The following RAD50 variants were observed in gnomAD, a reference collection of about 807,000 sequenced individuals.
RAD50 encodes the protein DNA repair protein RAD50.
Under a neutral mutation model 168.8 loss-of-function variants are expected in RAD50, and 132 were observed. The observed-to-expected ratio is 0.78, with a 90% CI of 0.68 to 0.90. RAD50 has a LOEUF of 0.90. Among genes scored for constraint, RAD50 ranks in the 40% least tolerant of loss-of-function variants. RAD50 has a pLI of 0.00. For missense variants in RAD50, 1,347 were observed against 1,534.4 expected (o/e 0.88, Z 2.04); for synonymous variants, 525 against 497.4 (o/e 1.06, Z -0.74).
In RAD50 at chr5:132,594,937, A is replaced by G; in HGVS notation, c.1862A>G (p.Gln621Arg). Residue 621 changes from glutamine to arginine, a missense_variant, in exon 12 of 25, where the codon CAG (glutamine) becomes CGG (arginine). Gln to Arg is a conservative substitution (Grantham distance 43, BLOSUM62 1). Around this residue, in one of 3 missense-constraint regions of RAD50, gnomAD observed 703 missense variants for 767.7 expected, o/e 0.92. Transcript: ENST00000378823. ...INNELKRKEEQLSSYEDKLFD... is the reference protein window; with the variant it reads ...INNELKRKEERLSSYEDKLFD... ...AATGAACTAAAAAGAAAGGAAGAGC[A>G]GTTGTCCAGTTACGAAGACAAGCTG... 1 of 1,609,208 alleles carries G rather than the reference A, an allele frequency of 6.2e-7. No homozygotes were observed. Among genetic ancestry groups the G allele is most frequent in the Non-Finnish European group, 8.5e-7 (1 of 1,175,530 alleles).
chr5:132,589,757 A>C lies in RAD50; in HGVS notation c.1372A>C (p.Lys458Gln). Residue 458 changes from lysine to glutamine, a missense_variant, in exon 9 of 25, where the codon AAA (lysine) becomes CAA (glutamine). Physicochemically the swap from Lys to Gln is moderately conservative, Grantham distance 53. Coordinates refer to ENST00000378823, the MANE Select transcript of RAD50 (RefSeq NM_005732.4). The part of the protein sequence containing the change: ...EILSKKQNEL[K>Q]NVKYELQQLE... ...CCTAAGTAAGAAGCAGAATGAGCTG[A>C]AAAATGTGAAGTATGAATTACAGCA... The C allele has an allele frequency of 6.2e-7, 1 of 1,613,684 alleles. No homozygotes were observed. Among genetic ancestry groups the C allele is most frequent in the Middle Eastern group, 1.7e-4 (1 of 6,048 alleles).
intron 5 of RAD50, among the ~76,000 whole-genome samples, chr5:132,582,406 CT>C (rs35412646): frequency 0.11 from 16,386 of 151,886 alleles, 2,802 homozygotes; most frequent in African/African-American, 0.37. Flanking sequence ...TTCCAAAGTC[CT>C]TTTTTTTAGC....
At chr5:132,587,458 T>C (rs1750612421) in intron 5 of RAD50, 104 bp from the exon 6 acceptor site, 1 of 1,493,610 alleles carries the variant, frequency 6.7e-7, no homozygotes, top group Non-Finnish European at 9.0e-7. Flanking sequence ...TTAAATGAGA[T>C]CACTTTTACT....
intron 19 of RAD50, among the ~76,000 whole-genome samples, chr5:132,610,157 G>T (rs1169744206): frequency 1.3e-5 from 2 of 151,684 alleles, no homozygotes; most frequent in African/African-American, 4.8e-5. Flanking sequence ...TCTTTTTAAT[G>T]ATTATAAAAT....
In RAD50 at chr5:132,609,409, T is replaced by C. The variant is rs759606107; in HGVS notation, c.3036+13T>C. The C allele has an allele frequency of 2.5e-6, 4 of 1,613,160 alleles. No homozygotes were observed. In the Admixed American group the frequency reaches 5.0e-5, roughly 20 times the overall value. On this transcript the variant is annotated intron_variant, in intron 19 of 24. Transcript: ENST00000378823. Reference sequence around the variant, plus strand: ...TGATACACAGAAGGTAGGTCTGTTTTGCTTATGATATCACTTACACCTATG... The same window carrying C: ...TGATACACAGAAGGTAGGTCTGTTTCGCTTATGATATCACTTACACCTATG...
At chr5:132,638,049 G>T (rs560211851) in intron 22 of RAD50, 32 bp from the exon 23 acceptor site, 6 of 1,610,002 alleles carry the variant, frequency 3.7e-6, no homozygotes, top group Non-Finnish European at 5.1e-6. Flanking sequence ...CAGAGCATAG[G>T]TTCCTCTAAA....
chr5:132,591,604 T>C (rs1000812824), intron 10 of RAD50, among the ~76,000 whole-genome samples, 198 bp downstream of exon 10: 1 of 152,148 alleles, frequency 6.6e-6, no homozygotes, highest in Non-Finnish European at 1.5e-5. Flanking sequence ...CAGAAATGTA[T>C]ATATATGTAT....
At chr5:132,577,361 G>A (rs188457019) in intron 3 of RAD50, among the ~76,000 whole-genome samples, 2 of 152,194 alleles carry the variant, frequency 1.3e-5, no homozygotes, top group Non-Finnish European at 1.5e-5. Context: ...CTATTTTAAG[G>A]TCAAATGATT....
At chr5:132,619,428 C>G (rs971410942) in intron 21 of RAD50, among the ~76,000 whole-genome samples, 4 of 151,998 alleles carry the variant, frequency 2.6e-5, no homozygotes, top group African/African-American at 4.8e-5. Context: ...GGGACAGAGT[C>G]TCTCTTTGTC....
intron 2 of RAD50, among the ~76,000 whole-genome samples, chr5:132,571,609 T>C (rs904516943): frequency 1.3e-4 from 20 of 152,188 alleles, no homozygotes; most frequent in Admixed American, 1.1e-3. Flanking sequence ...TCCCAGCTAC[T>C]TGGGGGGCTG....
chr5:132,595,082 A>G (rs372969430), intron 12 of RAD50, 38 bp downstream of exon 12: 25 of 1,568,502 alleles, frequency 1.6e-5, no homozygotes, highest in Non-Finnish European at 1.8e-5. Flanking sequence ...ATACTTTGAC[A>G]CCTTTGAATT....
chr5:132,566,555 C>T (rs960449262), intron 2 of RAD50, among the ~76,000 whole-genome samples: 1 of 152,186 alleles, frequency 6.6e-6, no homozygotes, highest in African/African-American at 2.4e-5. Context: ...TACCTCCATC[C>T]TCAACCCTTG....
chr5:132,637,053 A>C, intron 21 of RAD50, 62 bp from the exon 22 acceptor site: 6 of 1,205,578 alleles, frequency 5.0e-6, no homozygotes, highest in Non-Finnish European at 6.4e-6. Context: ...ATGTATTTTA[A>C]TATTACTATT....
intron 13 of RAD50, among the ~76,000 whole-genome samples, chr5:132,599,342 C>T (rs1292281619): frequency 6.6e-6 from 1 of 152,126 alleles, no homozygotes; most frequent in Non-Finnish European, 1.5e-5. Flanking sequence ...GAAACCAAAA[C>T]TTGAAGACCC....
Position 132,609,123 on chromosome 5 carries a change from GAT to G in RAD50, c.2839_2840del (p.Ile947Ter). The G allele has an allele frequency of 6.2e-7, 1 of 1,611,050 alleles. No homozygotes were observed. Among genetic ancestry groups the G allele is most frequent in the Non-Finnish European group, 8.5e-7 (1 of 1,178,896 alleles). ...AATGAATATTTTTCTACAGCTGAATGATATTAAAGAGAAGGTTAAAAATATTC... is the reference window on the plus strand; with the variant it reads ...AATGAATATTTTTCTACAGCTGAATGATTAAAGAGAAGGTTAAAAATATTC... The part of the protein sequence containing the change: ...SNKIAQDKLN[D>X]IKEKVKNIHG... On this transcript the variant is annotated frameshift_variant, in exon 18 of 25. Coordinates refer to ENST00000378823, the MANE Select transcript of RAD50 (RefSeq NM_005732.4). LOFTEE classifies it high-confidence loss of function.
chr5:132,604,167 T>A (rs916040030), intron 15 of RAD50, 121 bp downstream of exon 15: 1 of 1,246,422 alleles, frequency 8.0e-7, no homozygotes, highest in African/African-American at 1.5e-5. Flanking sequence ...CACATATATT[T>A]GCTCTTTTTT....
chr5:132,557,059 G>C lies in RAD50; in HGVS notation c.-266G>C. 1 of 650,568 alleles carries C rather than the reference G, an allele frequency of 1.5e-6. No homozygotes were observed. The highest frequency in any genetic ancestry group is 2.5e-6 in the Non-Finnish European group (1 of 402,008). 40.3% of individuals were successfully genotyped at this position (650,568 alleles called of 1,614,324 possible). On this transcript the variant is annotated 5_prime_UTR_variant, in exon 1 of 25. Coordinates refer to ENST00000378823, the MANE Select transcript of RAD50 (RefSeq NM_005732.4). Reference sequence around the variant, plus strand: ...ATTGTGGCTACGGCTTTGCGTCCCCGGCGGGCAGCCCCAGGCTGGTCCCCG... The same window carrying C: ...ATTGTGGCTACGGCTTTGCGTCCCCCGCGGGCAGCCCCAGGCTGGTCCCCG...
Position 132,589,642 on chromosome 5 carries a change from A to C in RAD50, c.1257A>C (p.Ala419=). ...ACATATGCATTTAGAATGACTTTGC[A>C]GAAAAAGAGACTCTGAAACAAAAAC... is the stretch of plus-strand genomic sequence containing the variant. ...KTANQLMNDF[A]EKETLKQKQI... Residue 419 remains alanine, a synonymous_variant, in exon 9 of 25, where the codon GCA becomes GCC. Coordinates refer to ENST00000378823, the MANE Select transcript of RAD50 (RefSeq NM_005732.4). 6.3e-7 allele frequency: 1 copy of C among 1,587,154 alleles called. No individual in the cohort carries two copies. The highest frequency in any genetic ancestry group is 8.6e-7 in the Non-Finnish European group (1 of 1,167,602).
intron 13 of RAD50, among the ~76,000 whole-genome samples, chr5:132,596,287 G>T (rs951620099): frequency 4.6e-5 from 7 of 152,150 alleles, no homozygotes; most frequent in Non-Finnish European, 1.0e-4. Context: ...TGAGCACCGT[G>T]CATAGCCAGT....
Sources: allele counts gnomAD v4.1 joint callset (sites outside exome capture counted in the v4.1 genomes callset), GRCh38; gene constraint gnomAD v4.1.1; regional missense constraint gnomAD v4.1.1; transcripts MANE v1.5; gene names NCBI Gene and HGNC (gene_info 2026-07-23, HGNC 2026-07-21).